The following SORCS3 variants were observed in gnomAD, a reference collection of about 807,000 sequenced individuals.
SORCS3 encodes VPS10 domain-containing receptor SorCS3.
SORCS3 carries 57 observed loss-of-function variants against 146.3 expected under a neutral mutation model. The observed-to-expected ratio is 0.39, with a 90% CI of 0.31 to 0.49. The LOEUF is 0.49. SORCS3 is among the 20% of genes least tolerant of loss of function. SORCS3 has a pLI of 0.92. For synonymous variants in SORCS3, 653 were observed against 618.5 expected (o/e 1.06, Z -0.83); for missense variants, 1,341 against 1,575.5 (o/e 0.85, Z 2.52).
intron 20 of SORCS3, among the ~76,000 whole-genome samples, chr10:105,241,377 G>C (rs1411440654): frequency 1.3e-5 from 2 of 152,216 alleles, no homozygotes; most frequent in Admixed American, 6.5e-5. Flanking sequence ...GCAGCCCCAG[G>C]TGAGGGTGCT....
At chr10:104,976,574 G>T (rs571375466) in intron 3 of SORCS3, among the ~76,000 whole-genome samples, 21 of 152,186 alleles carry the variant, frequency 1.4e-4, no homozygotes, top group Non-Finnish European at 5.9e-5. Context: ...TATACCCAAA[G>T]GACTATAAAT....
intron 17 of SORCS3, among the ~76,000 whole-genome samples, chr10:105,213,624 G>A (rs2056647653): frequency 6.6e-6 from 1 of 152,158 alleles, no homozygotes; most frequent in African/African-American, 2.4e-5. Flanking sequence ...AGGGTTGTAG[G>A]AAAGCTCTTG....
rs954828635 is a variant in SORCS3, at chr10:105,011,624, A to G, written c.955-31431A>G. On this transcript the variant is annotated intron_variant, in intron 4 of 26. Coordinates refer to ENST00000369701, the MANE Select transcript of SORCS3 (RefSeq NM_014978.3). ...AAACTCCCTATGTGTATCTGAGGTG[A>G]GGTAGTGTGTCTCCACATTTTGAGA... Among the ~76,000 whole-genome samples, 6 of 152,236 alleles carry G rather than the reference A, an allele frequency of 3.9e-5. No individual in the cohort carries two copies. The South Asian group carries it at 1.2e-3, about 32-fold the overall frequency.
At chr10:105,215,626 A>ATGGGTG (rs1444859875) in intron 18 of SORCS3, among the ~76,000 whole-genome samples, 3 of 152,178 alleles carry the variant, frequency 2.0e-5, no homozygotes, top group Non-Finnish European at 4.4e-5. Context: ...CTTCTCTTGA[A>ATGGGTG]TGGGTGTGAA....
chr10:105,157,335 A>C, intron 10 of SORCS3, 51 bp downstream of exon 10: 1 of 1,604,210 alleles, frequency 6.2e-7, no homozygotes, highest in Non-Finnish European at 8.5e-7. Context: ...GGCCACCTGC[A>C]GAAGCTGTGT....
At chr10:104,696,062 T>A (rs61861258) in intron 1 of SORCS3, among the ~76,000 whole-genome samples, 33,462 of 59,886 alleles carry the variant, frequency 0.56, 12,269 homozygotes, top group East Asian at 0.83. Flanking sequence ...ATACACATAT[T>A]ATATATAATA....
chr10:105,095,008 G>T (rs2055735947), intron 6 of SORCS3, among the ~76,000 whole-genome samples: 1 of 152,172 alleles, frequency 6.6e-6, no homozygotes. Flanking sequence ...TGTTTATAAT[G>T]ATAAAGCTTC....
chr10:105,033,306 T>C (rs1245155821), intron 4 of SORCS3, among the ~76,000 whole-genome samples: 1 of 152,142 alleles, frequency 6.6e-6, no homozygotes, highest in Non-Finnish European at 1.5e-5. Flanking sequence ...GATAGTATGG[T>C]GTAGTAAAAA....
intron 5 of SORCS3, among the ~76,000 whole-genome samples, chr10:105,073,430 T>C (rs1776492): frequency 0.69 from 104,292 of 151,600 alleles, 36,074 homozygotes; most frequent in East Asian, 0.83. Context: ...GTAGAGGATC[T>C]AACTGATTAA....
At chr10:104,644,066 C>T (rs2015462030) in intron 1 of SORCS3, among the ~76,000 whole-genome samples, 1 of 152,192 alleles carries the variant, frequency 6.6e-6, no homozygotes, top group South Asian at 2.1e-4. Flanking sequence ...CAGGTCTGGC[C>T]CGTGCTCCCT....
chr10:105,052,223 T>C (rs2055418142), intron 5 of SORCS3, among the ~76,000 whole-genome samples: 1 of 152,136 alleles, frequency 6.6e-6, no homozygotes, highest in Non-Finnish European at 1.5e-5. Flanking sequence ...CTGAAAAGAT[T>C]TGTGTGCATT....
At chr10:105,251,330 AG>A (rs760186507) in intron 22 of SORCS3, among the ~76,000 whole-genome samples, 174 of 152,308 alleles carry the variant, frequency 1.1e-3, no homozygotes, top group Non-Finnish European at 1.9e-3. Context: ...AACCACCCCC[AG>A]GATTCGATCA....
At chr10:104,942,991 A>C (rs2019335628) in intron 3 of SORCS3, among the ~76,000 whole-genome samples, 2 of 152,254 alleles carry the variant, frequency 1.3e-5, no homozygotes, top group African/African-American at 2.4e-5. Context: ...ATTGGAGGGA[A>C]AAGAAATAAC....
At chr10:105,038,840 G>T (rs1334442264) in intron 4 of SORCS3, among the ~76,000 whole-genome samples, 1 of 152,070 alleles carries the variant, frequency 6.6e-6, no homozygotes, top group Non-Finnish European at 1.5e-5. Context: ...ACTATTAAAT[G>T]TTGACACATG....
At chr10:105,144,538 G>A (rs2056117544) in intron 8 of SORCS3, among the ~76,000 whole-genome samples, 1 of 152,102 alleles carries the variant, frequency 6.6e-6, no homozygotes, top group African/African-American at 2.4e-5. Context: ...GTTTTCAAAA[G>A]CAATCATAAC....
chr10:104,824,023 A>G (rs904846790), intron 1 of SORCS3, among the ~76,000 whole-genome samples: 2 of 152,204 alleles, frequency 1.3e-5, no homozygotes, highest in African/African-American at 4.8e-5. Flanking sequence ...AGAAAACTGT[A>G]GAAGCTGGGA....
At chr10:105,090,976 G>A (rs560868416) in intron 6 of SORCS3, among the ~76,000 whole-genome samples, 2 of 152,230 alleles carry the variant, frequency 1.3e-5, no homozygotes, top group Admixed American at 1.3e-4. Context: ...ATGTGCATTT[G>A]GGGGAATATG....
At chr10:104,937,339 T>G (rs2019270496) in intron 3 of SORCS3, among the ~76,000 whole-genome samples, 1 of 152,254 alleles carries the variant, frequency 6.6e-6, no homozygotes, top group South Asian at 2.1e-4. Flanking sequence ...ATGGTTTTTA[T>G]GCATTCCCAT....
At chr10:105,170,071 T>G (rs2056346752) in intron 13 of SORCS3, among the ~76,000 whole-genome samples, 1 of 152,156 alleles carries the variant, frequency 6.6e-6, no homozygotes, top group African/African-American at 2.4e-5. Context: ...AGAAAGAGTT[T>G]ATTTTTGTCA....
Sources: allele counts gnomAD v4.1 joint callset (sites outside exome capture counted in the v4.1 genomes callset), GRCh38; gene constraint gnomAD v4.1.1; transcripts MANE v1.5; gene names NCBI Gene and HGNC (gene_info 2026-07-23, HGNC 2026-07-21).